PTPN4: variants seen among roughly 807,000 people sequenced by gnomAD.
PTPN4 encodes protein tyrosine phosphatase non-receptor type 4.
Under a neutral mutation model 135.5 loss-of-function variants are expected in PTPN4, and 49 were observed. The observed-to-expected ratio is 0.36, with a 90% CI of 0.29 to 0.46. The LOEUF (loss-of-function observed/expected upper bound fraction) is 0.46, where lower values mean the gene tolerates loss of function less well. Ranked by LOEUF, PTPN4 falls within the 20% of genes least tolerant of loss-of-function variation. The probability of loss-of-function intolerance (pLI) is 1.00; values close to 1 mark genes in which losing one functional copy is unlikely to be tolerated. For missense variants in PTPN4, 860 were observed against 1,101.0 expected, an observed-to-expected ratio of 0.78 and a Z score of 3.10; for synonymous variants, 333 against 369.9, an observed-to-expected ratio of 0.90 and a Z score of 1.14.
chr2:119,782,250 C>T (rs1690952782), intron 1 of PTPN4, among the ~76,000 whole-genome samples: 1 of 152,014 alleles, frequency 6.6e-6, no homozygotes, highest in South Asian at 2.1e-4. Flanking sequence ...AACCCCGTCT[C>T]TACTAAAAAT....
At chr2:119,925,935 G>A (rs1239658969) in intron 12 of PTPN4, among the ~76,000 whole-genome samples, 3 of 152,070 alleles carry the variant, frequency 2.0e-5, no homozygotes, top group Non-Finnish European at 4.4e-5. Flanking sequence ...TCAACTTGAA[G>A]TTTAAAAGTC....
intron 24 of PTPN4, 46 bp downstream of exon 24, chr2:119,962,790 T>C (rs768137849): frequency 1.5e-6 from 2 of 1,370,768 alleles, no homozygotes; most frequent in South Asian, 3.5e-5. Flanking sequence ...GTGTTCAGGG[T>C]AAAGACTGAA....
At chr2:119,773,365 A>T (rs1690769564) in intron 1 of PTPN4, among the ~76,000 whole-genome samples, 1 of 152,062 alleles carries the variant, frequency 6.6e-6, no homozygotes, top group Non-Finnish European at 1.5e-5. Context: ...TATCGGAAAA[A>T]TTTTTGGAGG....
intron 10 of PTPN4, among the ~76,000 whole-genome samples, chr2:119,905,278 A>G (rs1333037609): frequency 6.6e-6 from 1 of 152,166 alleles, no homozygotes; most frequent in Non-Finnish European, 1.5e-5. Flanking sequence ...AGCACAATAG[A>G]CTAAATGTAA....
At chr2:119,873,554 A>C (rs2104995641) in intron 3 of PTPN4, among the ~76,000 whole-genome samples, 1 of 152,300 alleles carries the variant, frequency 6.6e-6, no homozygotes. Flanking sequence ...ACCATGAGTC[A>C]TCAGGTAACC....
At chr2:119,882,184 A>G (rs901159452) in intron 7 of PTPN4, 35 bp downstream of exon 7, 14 of 1,557,084 alleles carry the variant, frequency 9.0e-6, no homozygotes, top group Admixed American at 1.7e-5. Flanking sequence ...CAAATAGCAT[A>G]TAACTGTGGT....
chr2:119,829,297 A>G (rs1219449488), intron 2 of PTPN4, among the ~76,000 whole-genome samples: 1 of 152,222 alleles, frequency 6.6e-6, no homozygotes, highest in Non-Finnish European at 1.5e-5. Context: ...GTTTTTATGT[A>G]TCACAGAATT....
intron 2 of PTPN4, among the ~76,000 whole-genome samples, chr2:119,840,149 C>T (rs902997039): frequency 6.6e-6 from 1 of 152,132 alleles, no homozygotes; most frequent in Non-Finnish European, 1.5e-5. Flanking sequence ...GATACACGTG[C>T]AGGTTTGTTA....
At chr2:119,893,776 G>A (rs1483763471) in intron 9 of PTPN4, among the ~76,000 whole-genome samples, 1 of 152,144 alleles carries the variant, frequency 6.6e-6, no homozygotes, top group Non-Finnish European at 1.5e-5. Context: ...AGTCAGCTTT[G>A]TCAGATGATG....
intron 1 of PTPN4, among the ~76,000 whole-genome samples, chr2:119,808,538 G>A (rs1024463606): frequency 6.6e-6 from 1 of 152,150 alleles, no homozygotes; most frequent in Non-Finnish European, 1.5e-5. Flanking sequence ...ACCTGTTCAA[G>A]GAGAACTACA....
intron 2 of PTPN4, among the ~76,000 whole-genome samples, chr2:119,842,041 A>G (rs935517743): frequency 2.0e-4 from 31 of 152,184 alleles, no homozygotes; most frequent in Non-Finnish European, 4.6e-4. Context: ...CTAAGAATGA[A>G]TAATTTGTTA....
At chr2:119,824,553 G>A (rs948124384) in intron 2 of PTPN4, among the ~76,000 whole-genome samples, 14 of 152,040 alleles carry the variant, frequency 9.2e-5, no homozygotes, top group Admixed American at 1.3e-4. Context: ...AAGTATAATT[G>A]TGCATTTATC....
chr2:119,954,326 CAA>C (rs1436340688), intron 19 of PTPN4, among the ~76,000 whole-genome samples: 1 of 152,098 alleles, frequency 6.6e-6, no homozygotes, highest in Non-Finnish European at 1.5e-5. Flanking sequence ...TTTATAGGAC[CAA>C]AAGGACATGC....
At chr2:119,879,803 G>A (rs1205796274) in intron 5 of PTPN4, among the ~76,000 whole-genome samples, 1 of 152,048 alleles carries the variant, frequency 6.6e-6, no homozygotes, top group African/African-American at 2.4e-5. Flanking sequence ...CTTACCTTGA[G>A]ATTTCAAGAA....
At chr2:119,878,327 T>C (rs1422715143) in intron 5 of PTPN4, among the ~76,000 whole-genome samples, 1 of 152,168 alleles carries the variant, frequency 6.6e-6, no homozygotes, top group African/African-American at 2.4e-5. Flanking sequence ...ACAGAATTAG[T>C]AATGAGTTAT....
chr2:119,925,967 C>G (rs1006047054), intron 12 of PTPN4, among the ~76,000 whole-genome samples: 16 of 152,066 alleles, frequency 1.1e-4, no homozygotes, highest in African/African-American at 3.6e-4. Flanking sequence ...TCTCATTTTT[C>G]CGTTAAAATC....
At chr2:119,968,477 T>C (rs990028784) in intron 26 of PTPN4, among the ~76,000 whole-genome samples, 1 of 152,180 alleles carries the variant, frequency 6.6e-6, no homozygotes, top group African/African-American at 2.4e-5. Flanking sequence ...AAATTGTTTT[T>C]CTTTTTACAT....
chr2:119,767,389 C>G (rs895212232), intron 1 of PTPN4, among the ~76,000 whole-genome samples: 2 of 152,234 alleles, frequency 1.3e-5, no homozygotes, highest in African/African-American at 4.8e-5. Context: ...ATCCCTATCA[C>G]TACTAAATAT....
intron 3 of PTPN4, among the ~76,000 whole-genome samples, chr2:119,873,686 G>T (rs1558751062): frequency 6.6e-6 from 1 of 152,126 alleles, no homozygotes; most frequent in Non-Finnish European, 1.5e-5. Flanking sequence ...TTAGCTATCA[G>T]TGTTAACTAG....
Sources: allele counts gnomAD v4.1 joint callset (sites outside exome capture counted in the v4.1 genomes callset), GRCh38; gene constraint gnomAD v4.1.1; transcripts MANE v1.5; gene names NCBI Gene and HGNC (gene_info 2026-07-23, HGNC 2026-07-21).